JAK1: variants seen among roughly 807,000 people sequenced by gnomAD.
JAK1 encodes Janus kinase 1.
JAK1 carries 16 observed loss-of-function variants against 136.6 expected under a neutral mutation model. That is an observed-to-expected ratio of 0.12 (90% CI 0.08 to 0.18). The LOEUF is 0.18. JAK1 is among the 10% of genes least tolerant of loss of function. The pLI, the probability that JAK1 is intolerant of heterozygous loss-of-function variation, is 1.00. For missense variants in JAK1, 859 were observed against 1,450.1 expected (o/e 0.59, Z 6.62); for synonymous variants, 492 against 519.5 (o/e 0.95, Z 0.72).
chr1:65,003,466 A>G (rs1236826782), intron 2 of JAK1: 1 of 152,192 alleles, frequency 6.6e-6, no homozygotes, highest in Non-Finnish European at 1.5e-5. Flanking sequence ...AAGCAGAGAC[A>G]CGATTTGGAG....
chr1:64,839,628 C>T lies in JAK1; in HGVS notation c.2817G>A (p.Lys939=), dbSNP rs1045251947. 1.9e-6 allele frequency: 3 copies of T among 1,614,122 alleles called. No individual in the cohort carries two copies. Among genetic ancestry groups the T allele is most frequent in the Non-Finnish European group, 2.5e-6 (3 of 1,179,980 alleles). ...LRNLYHENIV[K]YKGICTEDGG... The stretch of plus-strand genomic sequence containing the variant: ...CGTCTTCTGTGCAGATTCCTTTGTA[C>T]TTCACAATGTTCTCATGATAGAGGT... The change falls in exon 20 of 25, where the codon AAG becomes AAA. Residue 939 remains lysine, a synonymous_variant. Coordinates refer to ENST00000342505, the MANE Select transcript of JAK1 (RefSeq NM_002227.4).
At chr1:64,920,699 C>T (rs1570776338) in intron 1 of JAK1, among the ~76,000 whole-genome samples, 1 of 152,174 alleles carries the variant, frequency 6.6e-6, no homozygotes, top group Non-Finnish European at 1.5e-5. Flanking sequence ...CAGAACCTAA[C>T]CTTGGGCCTT....
At chr1:65,045,764 A>C (rs1371368385) in intron 1 of JAK1, among the ~76,000 whole-genome samples, 1 of 152,202 alleles carries the variant, frequency 6.6e-6, no homozygotes, top group Non-Finnish European at 1.5e-5. Context: ...CCTTTAAAAT[A>C]TCTCTCTTGC....
intron 2 of JAK1, among the ~76,000 whole-genome samples, chr1:64,884,193 G>A (rs1048653901): frequency 3.9e-5 from 6 of 152,130 alleles, no homozygotes; most frequent in South Asian, 2.1e-4. Context: ...TGAAAAGTGC[G>A]TAAGTAAGTA....
At chr1:65,011,379 G>A (rs1646847525) in intron 2 of JAK1, among the ~76,000 whole-genome samples, 1 of 152,122 alleles carries the variant, frequency 6.6e-6, no homozygotes, top group Admixed American at 6.6e-5. Flanking sequence ...GGGAGGCTGA[G>A]GCAGGAGGAT....
Position 64,894,873 on chromosome 1 carries a change from G to GT in JAK1, c.-77-8533dup, listed in dbSNP as rs916609780. On this transcript the variant is annotated intron_variant, in intron 1 of 24. Transcript: ENST00000342505. ...CCCCTCAACCAAAAAACTGTAACCA[G>GT]TTTTTATGTTCAGCTTTGAAACTGC... Among the ~76,000 whole-genome samples, 5 of 152,098 alleles carry GT rather than the reference G, an allele frequency of 3.3e-5. 1 individual carries two copies. The highest frequency in any genetic ancestry group is 4.8e-5 in the African/African-American group (2 of 41,420).
At position 64,833,261 on chromosome 1, in the gene JAK1, G is replaced by C. The variant is rs1654239462; in HGVS notation, c.*1301C>G. The C allele has an allele frequency of 4.4e-6, 1 of 229,006 alleles. No individual in the cohort carries two copies. Among genetic ancestry groups the C allele is most frequent in the Non-Finnish European group, 8.7e-6 (1 of 115,224 alleles). The allele number at this position is 229,006 out of a possible 1,614,324, so 14.2% of individuals were successfully genotyped here. On this transcript the variant is annotated 3_prime_UTR_variant, in exon 25 of 25. Transcript: ENST00000342505. Reference sequence around the variant, plus strand: ...TTTAGTATATTTATTTGTATAAAGAGTAAACAAAGTGCATATAGAGTGGCC... The same window carrying C: ...TTTAGTATATTTATTTGTATAAAGACTAAACAAAGTGCATATAGAGTGGCC...
rs182266835 is a variant in JAK1, at chr1:64,955,199, A to C, written c.-78+11134T>G. Among the ~76,000 whole-genome samples the C allele has an allele frequency of 1.8e-4, 28 of 152,356 alleles. No individual in the cohort carries two copies. The East Asian group carries it at 4.2e-3, about 23-fold the overall frequency. ...ACTGGGAAAGGTGACATTACGAAGA[A>C]AGAGATGGTTCCTGTCCTCAAGGGC... is the stretch of plus-strand genomic sequence containing the variant. On this transcript the variant is annotated intron_variant, in intron 1 of 24. Transcript: ENST00000342505.
chr1:65,040,171 C>T (rs950036185), intron 2 of JAK1, among the ~76,000 whole-genome samples: 3 of 151,722 alleles, frequency 2.0e-5, no homozygotes, highest in African/African-American at 7.3e-5. Flanking sequence ...GCCAAGATTG[C>T]CCCACCACAC....
At chr1:65,041,278 T>C (rs1647130459) in intron 2 of JAK1, among the ~76,000 whole-genome samples, 1 of 152,146 alleles carries the variant, frequency 6.6e-6, no homozygotes, top group Admixed American at 6.6e-5. Flanking sequence ...CAGTGGGTGA[T>C]TTTCTCATTT....
chr1:65,006,189 T>C (rs1338907409), intron 2 of JAK1, among the ~76,000 whole-genome samples: 2 of 152,354 alleles, frequency 1.3e-5, no homozygotes, highest in African/African-American at 2.4e-5. Flanking sequence ...GGTAAACTAA[T>C]TGATGAATCT....
chr1:64,886,563 C>A (rs1570708225), intron 1 of JAK1, among the ~76,000 whole-genome samples: 2 of 152,042 alleles, frequency 1.3e-5, no homozygotes, highest in South Asian at 4.2e-4. Context: ...CTAACTTCAC[C>A]GCATCAAGAA....
At chr1:64,845,026 G>A in intron 15 of JAK1, 137 bp from the exon 16 acceptor site, 3 of 1,183,978 alleles carry the variant, frequency 2.5e-6, no homozygotes, top group Non-Finnish European at 3.6e-6. Flanking sequence ...CCAATCATCT[G>A]TGTGACTTAG....
chr1:64,952,095 G>A (rs1646102214), intron 1 of JAK1, among the ~76,000 whole-genome samples: 1 of 152,170 alleles, frequency 6.6e-6, no homozygotes, highest in South Asian at 2.1e-4. Flanking sequence ...TAAAGTATCT[G>A]AAACGCTATA....
intron 2 of JAK1, among the ~76,000 whole-genome samples, chr1:65,014,713 C>G (rs507718): frequency 0.2 from 30,282 of 149,396 alleles, 3,838 homozygotes; most frequent in African/African-American, 0.33. Flanking sequence ...GATATGGAGT[C>G]TCTCTCTGTC....
chr1:64,877,801 C>T (rs1157291417), intron 4 of JAK1, among the ~76,000 whole-genome samples: 1 of 152,120 alleles, frequency 6.6e-6, no homozygotes, highest in African/African-American at 2.4e-5. Context: ...AGCCAATCCC[C>T]AGGCCACAAA....
At chr1:65,059,179 G>C (rs754010943) in intron 1 of JAK1, among the ~76,000 whole-genome samples, 1 of 150,836 alleles carries the variant, frequency 6.6e-6, no homozygotes, top group African/African-American at 2.4e-5. Context: ...ATTTGCCAGA[G>C]ATCATATATT....
rs2101268574 is a variant in JAK1, at chr1:64,883,483, G to A, written c.7-8C>T. On this transcript the variant is annotated splice_polypyrimidine_tract_variant and splice_region_variant and intron_variant, in intron 2 of 24. Transcript: ENST00000342505. ...CTCTTTTATATTTAGATACTGTTGT[G>A]GAAGGAAAACAAGACTATGTGGTCA... The A allele has an allele frequency of 6.2e-7, 1 of 1,611,420 alleles. No individual in the cohort carries two copies. Among genetic ancestry groups the A allele is most frequent in the South Asian group, 1.1e-5 (1 of 90,954 alleles).
intron 2 of JAK1, among the ~76,000 whole-genome samples, chr1:65,042,954 G>A (rs1444882470): frequency 7.2e-5 from 11 of 152,152 alleles, no homozygotes; most frequent in Non-Finnish European, 1.0e-4. Context: ...CCACAGAGAG[G>A]AAAACACCTT....
Sources: allele counts gnomAD v4.1 joint callset (sites outside exome capture counted in the v4.1 genomes callset), GRCh38; gene constraint gnomAD v4.1.1; transcripts MANE v1.5; gene names NCBI Gene and HGNC (gene_info 2026-07-23, HGNC 2026-07-21).